The following MACROD2 variants were observed in gnomAD, a reference collection of about 807,000 sequenced individuals.
MACROD2 encodes the protein ADP-ribose glycohydrolase MACROD2.
Under a neutral mutation model 70.4 loss-of-function variants are expected in MACROD2, and 36 were observed. The ratio of observed to expected loss-of-function variants is 0.51; its 90% CI spans 0.39 to 0.68. The LOEUF is 0.68. Ranked by LOEUF, MACROD2 falls within the 30% of genes least tolerant of loss-of-function variation. MACROD2 has a pLI of 0.00. For synonymous variants in MACROD2, 172 were observed against 178.8 expected (o/e 0.96, Z 0.30); for missense variants, 496 against 538.4 (o/e 0.92, Z 0.78).
intron 10 of MACROD2, among the ~76,000 whole-genome samples, chr20:15,909,782 C>G (rs1208676678): frequency 2.0e-5 from 3 of 152,122 alleles, no homozygotes; most frequent in Non-Finnish European, 4.4e-5. Context: ...CTCAGCCTCC[C>G]AAAGTGCTGG....
intron 5 of MACROD2, among the ~76,000 whole-genome samples, chr20:14,902,346 G>A (rs1423872077): frequency 2.0e-5 from 3 of 152,152 alleles, no homozygotes; most frequent in African/African-American, 4.8e-5. Context: ...TTGGCAGGCC[G>A]CAGGCAGAGA....
intron 5 of MACROD2, among the ~76,000 whole-genome samples, chr20:14,847,123 G>A (rs1463557629): frequency 1.3e-5 from 2 of 151,670 alleles, no homozygotes; most frequent in Non-Finnish European, 2.9e-5. Context: ...TTTTATTATT[G>A]GTTACTTTAA....
At chr20:14,868,367 T>C (rs2073451038) in intron 5 of MACROD2, among the ~76,000 whole-genome samples, 1 of 151,850 alleles carries the variant, frequency 6.6e-6, no homozygotes, top group African/African-American at 2.4e-5. Context: ...TTTCTTATTT[T>C]TTGTGGAGAC....
intron 2 of MACROD2, among the ~76,000 whole-genome samples, chr20:14,017,091 A>G (rs1388633687): frequency 6.6e-6 from 1 of 152,052 alleles, no homozygotes; most frequent in East Asian, 1.9e-4. Flanking sequence ...TAATTATTTT[A>G]TTCTTTGTGA....
chr20:15,014,881 A>G (rs2075109700), intron 5 of MACROD2, among the ~76,000 whole-genome samples: 2 of 152,096 alleles, frequency 1.3e-5, no homozygotes, highest in South Asian at 4.1e-4. Flanking sequence ...GTTGTCCATA[A>G]GCTTTTTTTG....
At chr20:14,525,911 G>T (rs1199247287) in intron 4 of MACROD2, among the ~76,000 whole-genome samples, 1 of 152,186 alleles carries the variant, frequency 6.6e-6, no homozygotes, top group East Asian at 1.9e-4. Context: ...TTGGATTCAT[G>T]TTGTTGGCTA....
At chr20:15,898,896 A>G (rs2065017769) in intron 10 of MACROD2, among the ~76,000 whole-genome samples, 1 of 146,598 alleles carries the variant, frequency 6.8e-6, no homozygotes, top group African/African-American at 2.7e-5. Context: ...CATACCTACT[A>G]TATATATATA....
chr20:14,882,169 G>T (rs41491648), intron 5 of MACROD2, among the ~76,000 whole-genome samples: 9 of 152,112 alleles, frequency 5.9e-5, no homozygotes, highest in Admixed American at 2.6e-4. Context: ...TTTATGCCTT[G>T]CTTCTCACTT....
chr20:15,731,719 C>G lies in MACROD2; in HGVS notation c.646-131026C>G, dbSNP rs1409946032. Among the ~76,000 whole-genome samples, 2 of 57,310 alleles carry G rather than the reference C, an allele frequency of 3.5e-5. 1 individual carries two copies. Among genetic ancestry groups the G allele is most frequent in the African/African-American group, 9.8e-5 (2 of 20,486 alleles). The allele number at this position is 57,310 out of a possible 152,430, so 37.6% of individuals were successfully genotyped here. On this transcript the variant is annotated intron_variant, in intron 8 of 17. Transcript: ENST00000684519. Reference sequence around the variant, plus strand: ...CACATGCGTCGCCTGGGGCAGGATACTGGCAGAAACGAGTTTGCAGCATTC... The same window carrying G: ...CACATGCGTCGCCTGGGGCAGGATAGTGGCAGAAACGAGTTTGCAGCATTC...
chr20:15,380,050 T>C (rs1417332103), intron 6 of MACROD2, among the ~76,000 whole-genome samples: 1 of 152,174 alleles, frequency 6.6e-6, no homozygotes, highest in Non-Finnish European at 1.5e-5. Flanking sequence ...AAGCTCCTCT[T>C]TATCTTTACA....
intron 4 of MACROD2, among the ~76,000 whole-genome samples, chr20:14,538,869 G>A (rs2085398718): frequency 6.6e-6 from 1 of 152,088 alleles, no homozygotes; most frequent in Non-Finnish European, 1.5e-5. Context: ...TTATTTTCGA[G>A]CCTACATGTT....
At chr20:15,813,376 G>C (rs1292141743) in intron 8 of MACROD2, among the ~76,000 whole-genome samples, 1 of 152,182 alleles carries the variant, frequency 6.6e-6, no homozygotes, top group African/African-American at 2.4e-5. Flanking sequence ...CAAGTCAATT[G>C]ATTTCCTATG....
intron 8 of MACROD2, among the ~76,000 whole-genome samples, chr20:15,517,101 G>C (rs2047578318): frequency 6.6e-6 from 1 of 151,946 alleles, no homozygotes; most frequent in Admixed American, 6.6e-5. Context: ...ACCATATTCT[G>C]GGAAGGATCC....
chr20:15,824,766 A>C (rs1228378629), intron 8 of MACROD2, among the ~76,000 whole-genome samples: 1 of 152,158 alleles, frequency 6.6e-6, no homozygotes, highest in Non-Finnish European at 1.5e-5. Context: ...CAAAGAAAAG[A>C]CTTAGTTACT....
At chr20:15,609,705 A>G (rs1232461989) in intron 8 of MACROD2, among the ~76,000 whole-genome samples, 2 of 152,252 alleles carry the variant, frequency 1.3e-5, no homozygotes, top group Non-Finnish European at 2.9e-5. Flanking sequence ...CTTAACTGCT[A>G]CTGTTTTCAT....
chr20:16,034,067 A>G (rs1023851833), intron 15 of MACROD2, among the ~76,000 whole-genome samples: 1 of 152,072 alleles, frequency 6.6e-6, no homozygotes, highest in African/African-American at 2.4e-5. Flanking sequence ...TTGCACCCCT[A>G]TGGATTTTCA....
chr20:15,631,625 G>A (rs1001192025), intron 8 of MACROD2, among the ~76,000 whole-genome samples: 1 of 152,042 alleles, frequency 6.6e-6, no homozygotes, highest in African/African-American at 2.4e-5. Flanking sequence ...TCCTTATTTG[G>A]TGCATGTCTG....
chr20:15,552,010 T>A (rs1290991644), intron 8 of MACROD2: 4 of 152,240 alleles, frequency 2.6e-5, no homozygotes, highest in African/African-American at 7.2e-5. Flanking sequence ...TACATTTTTT[T>A]CTTCAAGGAA....
chr20:15,939,755 A>C (rs1386953491), intron 12 of MACROD2, among the ~76,000 whole-genome samples: 1 of 152,120 alleles, frequency 6.6e-6, no homozygotes, highest in Non-Finnish European at 1.5e-5. Context: ...TGGGCAAAAT[A>C]AACTGAAAAT....
Sources: allele counts gnomAD v4.1 joint callset (sites outside exome capture counted in the v4.1 genomes callset), GRCh38; gene constraint gnomAD v4.1.1; transcripts MANE v1.5; gene names NCBI Gene and HGNC (gene_info 2026-07-23, HGNC 2026-07-21).